UNC13C: variants seen among roughly 807,000 people sequenced by gnomAD.
UNC13C encodes the protein protein unc-13 homolog C.
Under a neutral mutation model 245.4 loss-of-function variants are expected in UNC13C, and 174 were observed. The observed-to-expected ratio is 0.71, with a 90% CI of 0.63 to 0.80. The LOEUF (loss-of-function observed/expected upper bound fraction) is 0.80. Ranked by LOEUF, UNC13C falls within the 30% of genes least tolerant of loss-of-function variation. The probability of loss-of-function intolerance (pLI) is 0.00; values close to 1 mark genes in which losing one functional copy is unlikely to be tolerated. For synonymous variants in UNC13C, 992 were observed against 895.1 expected, an observed-to-expected ratio of 1.11 and a Z score of -1.93; for missense variants, 2,829 against 2,602.9, an observed-to-expected ratio of 1.09 and a Z score of -1.89.
At chr15:54,080,990 G>T (rs1334014523) in intron 2 of UNC13C, among the ~76,000 whole-genome samples, 1 of 151,802 alleles carries the variant, frequency 6.6e-6, no homozygotes, top group African/African-American at 2.4e-5. Flanking sequence ...TATCTCCATT[G>T]GTTTTGGTAT....
chr15:54,310,960 T>C (rs936778116), intron 13 of UNC13C, among the ~76,000 whole-genome samples: 1 of 151,742 alleles, frequency 6.6e-6, no homozygotes, highest in Non-Finnish European at 1.5e-5. Flanking sequence ...CTACCACCTT[T>C]ATCACATCAA....
the UNC13C span, among the ~76,000 whole-genome samples, chr15:53,907,003 G>C: frequency 6.6e-6 from 1 of 152,164 alleles, no homozygotes; most frequent in Non-Finnish European, 1.5e-5. Flanking sequence ...CTCGACACGT[G>C]GGGAGTATAG....
chr15:53,912,752 G>C, the UNC13C span: 4 of 141,360 alleles, frequency 2.8e-5, no homozygotes, highest in African/African-American at 1.0e-4. Context: ...CCGTTTACTG[G>C]GGGGCGGCGG....
chr15:54,224,149 G>A (rs2035307421), intron 4 of UNC13C, among the ~76,000 whole-genome samples: 1 of 152,018 alleles, frequency 6.6e-6, no homozygotes, highest in African/African-American at 2.4e-5. Flanking sequence ...GATTACTCCA[G>A]CTAGGACTTC....
chr15:53,920,421 G>A, the UNC13C span, among the ~76,000 whole-genome samples: 1 of 152,122 alleles, frequency 6.6e-6, no homozygotes, highest in Non-Finnish European at 1.5e-5. Flanking sequence ...GGGTGTGGTG[G>A]TGTGTGCCTG....
intron 20 of UNC13C, among the ~76,000 whole-genome samples, chr15:54,496,778 G>A (rs1030504494): frequency 6.6e-6 from 1 of 151,602 alleles, no homozygotes; most frequent in African/African-American, 2.4e-5. Context: ...AAGAAGCAAA[G>A]AGGCATGAGA....
chr15:54,472,926 T>A (rs1270369444), intron 19 of UNC13C, among the ~76,000 whole-genome samples: 1 of 151,986 alleles, frequency 6.6e-6, no homozygotes, highest in South Asian at 2.1e-4. Flanking sequence ...TATATTGCAT[T>A]ATGCTGAGGT....
chr15:54,420,514 GAGGTGATGAACTCTAAGAGTCAAGGATAC>G (rs2040618436), intron 19 of UNC13C, among the ~76,000 whole-genome samples: 1 of 151,892 alleles, frequency 6.6e-6, no homozygotes, highest in South Asian at 2.1e-4. Flanking sequence ...GAGAGTATGC[GAGGTGATGAACTCTAAGAGTCAAGGATAC>G]AGGTGTCATC....
At chr15:54,247,716 A>G (rs2036032225) in intron 7 of UNC13C, among the ~76,000 whole-genome samples, 1 of 151,280 alleles carries the variant, frequency 6.6e-6, no homozygotes. Flanking sequence ...GATTTGTTTC[A>G]GTGCCCCATT....
chr15:53,963,536 A>T, the UNC13C span, among the ~76,000 whole-genome samples: 1 of 152,198 alleles, frequency 6.6e-6, no homozygotes, highest in Admixed American at 6.5e-5. Flanking sequence ...ATACACGTGT[A>T]AAGGATTTAG....
intron 17 of UNC13C, among the ~76,000 whole-genome samples, chr15:54,387,703 T>C (rs1452374456): frequency 6.6e-6 from 1 of 152,204 alleles, no homozygotes; most frequent in East Asian, 1.9e-4. Context: ...TCAGAAGAAG[T>C]TGCAAACACA....
At chr15:54,147,016 T>C (rs2032288825) in intron 4 of UNC13C, among the ~76,000 whole-genome samples, 2 of 152,148 alleles carry the variant, frequency 1.3e-5, no homozygotes, top group African/African-American at 4.8e-5. Flanking sequence ...GCCAGCTCTA[T>C]TATCTCCACC....
intron 26 of UNC13C, among the ~76,000 whole-genome samples, chr15:54,545,302 G>A (rs1234807200): frequency 6.6e-6 from 1 of 152,034 alleles, no homozygotes; most frequent in African/African-American, 2.4e-5. Flanking sequence ...TTAACTCAAG[G>A]TGGACTAAAG....
intron 4 of UNC13C, among the ~76,000 whole-genome samples, chr15:54,164,102 G>A (rs190927207): frequency 2.7e-4 from 41 of 152,192 alleles, no homozygotes; most frequent in African/African-American, 9.4e-4. Context: ...TTCATTATGT[G>A]TAAGTATATT....
At chr15:54,623,313 T>C (rs1357772787) in intron 31 of UNC13C, among the ~76,000 whole-genome samples, 1 of 152,072 alleles carries the variant, frequency 6.6e-6, no homozygotes, top group Non-Finnish European at 1.5e-5. Flanking sequence ...AAATATATAA[T>C]GAATTAGAAA....
rs67637704 is a variant in UNC13C, at chr15:54,130,308, T to TTTTTTTG, written c.2984-12710_2984-12709insTTTTTTG. Among the ~76,000 whole-genome samples the TTTTTTTG allele has an allele frequency of 1.6e-3, 189 of 119,482 alleles. 3 individuals carry two copies. Among genetic ancestry groups the TTTTTTTG allele is most frequent in the African/African-American group, 3.6e-3 (116 of 31,970 alleles). 78.4% of individuals were successfully genotyped at this position (119,482 alleles called of 152,430 possible). On this transcript the variant is annotated intron_variant, in intron 2 of 32. Coordinates refer to ENST00000260323, the MANE Select transcript of UNC13C (RefSeq NM_001080534.3). Reference sequence around the variant, plus strand: ...ATTAATTTTTTTTTTTTTTTTTTTTTGTGAGACGGAGTCTCAGTCTGTCTC... The same window carrying TTTTTTTG: ...ATTAATTTTTTTTTTTTTTTTTTTTTTTTTTTGGTGAGACGGAGTCTCAGTCTGTCTC...
At chr15:54,428,726 CTG>C (rs530512872) in intron 19 of UNC13C, among the ~76,000 whole-genome samples, 19 of 151,624 alleles carry the variant, frequency 1.3e-4, no homozygotes, top group African/African-American at 3.4e-4. Flanking sequence ...GGTATGGTCT[CTG>C]TGCTAGATCT....
intron 4 of UNC13C, among the ~76,000 whole-genome samples, chr15:54,197,825 A>C (rs112992884): frequency 3.9e-5 from 6 of 152,270 alleles, no homozygotes; most frequent in African/African-American, 1.4e-4. Context: ...GAGAGTTCAC[A>C]GACCCTCTGA....
the UNC13C span, among the ~76,000 whole-genome samples, chr15:53,893,336 G>A: frequency 1.3e-5 from 2 of 152,158 alleles, no homozygotes; most frequent in East Asian, 3.9e-4. Context: ...GGGGGTCAGG[G>A]ACCCACTTGA....
Sources: gnomAD v4.1 joint callset for allele counts (sites outside exome capture counted in the v4.1 genomes callset) on GRCh38, gnomAD v4.1.1 for gene constraint, MANE v1.5 for transcripts, NCBI Gene and HGNC (gene_info 2026-07-23, HGNC 2026-07-21) for gene names.